The following EEIG1 variants were observed in gnomAD, a reference collection of about 807,000 sequenced individuals.
The protein encoded by EEIG1 is estrogen-induced osteoclastogenesis regulator 1, also known as early estrogen-induced gene 1 protein.
At chr9:127,945,743 C>T in the EEIG1 span, 1 of 1,565,834 alleles carries the variant, frequency 6.4e-7, no homozygotes, top group Non-Finnish European at 8.7e-7. This position sits in a 1 kb window ranked among gnomAD's most constrained non-coding sequence, Gnocchi z 6.5. Context: ...GGTCGGGTTC[C>T]TCTGGCAGCC....
At chr9:127,948,050 C>A in the EEIG1 span, 7 of 1,599,960 alleles carry the variant, frequency 4.4e-6, no homozygotes, top group South Asian at 4.4e-5. Context: ...AGGGGAGGGG[C>A]GGACAGATGA....
the EEIG1 span, among the ~76,000 whole-genome samples, chr9:127,949,449 C>CT: frequency 3.9e-4 from 59 of 152,138 alleles, no homozygotes; most frequent in Non-Finnish European, 8.4e-4. Context: ...GGAAGTGACT[C>CT]CCAAGACCTT....
chr9:127,956,242 G>A, the EEIG1 span, among the ~76,000 whole-genome samples: 5 of 152,058 alleles, frequency 3.3e-5, no homozygotes, highest in East Asian at 1.9e-4. Context: ...CTAGGCACTC[G>A]AACCACAGCA....
chr9:127,945,680 G>A, the EEIG1 span: 2 of 1,594,734 alleles, frequency 1.3e-6, no homozygotes, highest in Non-Finnish European at 1.7e-6. This position sits in a 1 kb window ranked among gnomAD's most constrained non-coding sequence, Gnocchi z 6.5. Flanking sequence ...TGGCATAGCT[G>A]GAGTTGCGGG....
the EEIG1 span, chr9:127,944,867 T>A: frequency 6.2e-7 from 1 of 1,612,206 alleles, no homozygotes; most frequent in Non-Finnish European, 8.5e-7. Context: ...TCCACCCAGG[T>A]CGGGTGGCTC....
chr9:127,948,882 T>C, the EEIG1 span, among the ~76,000 whole-genome samples: 1 of 152,134 alleles, frequency 6.6e-6, no homozygotes, highest in Non-Finnish European at 1.5e-5. Context: ...CATGAAGCCA[T>C]TGCAAACTAA....
At chr9:127,952,736 A>G in the EEIG1 span, among the ~76,000 whole-genome samples, 2 of 152,138 alleles carry the variant, frequency 1.3e-5, no homozygotes, top group East Asian at 1.9e-4. Context: ...ATCTGGAGGC[A>G]GAGTCTCGCT....
chr9:127,948,039 C>G, the EEIG1 span: 1 of 1,591,154 alleles, frequency 6.3e-7, no homozygotes, highest in Admixed American at 1.7e-5. Flanking sequence ...GGGCCGCTAG[C>G]AGGGGAGGGG....
the EEIG1 span, chr9:127,948,460 T>C: frequency 1.3e-5 from 20 of 1,597,396 alleles, no homozygotes; most frequent in South Asian, 2.2e-4. Flanking sequence ...ACCCACAGCC[T>C]GCCCAGGCGC....
the EEIG1 span, chr9:127,948,389 G>C: frequency 3.1e-6 from 5 of 1,614,142 alleles, no homozygotes; most frequent in Non-Finnish European, 2.5e-6. Flanking sequence ...GGGATCTCCA[G>C]AGAGCAGGAA....
At chr9:127,977,918 A>G in the EEIG1 span, among the ~76,000 whole-genome samples, 421 of 152,328 alleles carry the variant, frequency 2.8e-3, 1 homozygote, top group African/African-American at 9.5e-3. Context: ...CACCAATGGT[A>G]GCTGGTTCTT....
chr9:127,960,801 C>G, the EEIG1 span, among the ~76,000 whole-genome samples: 1 of 152,146 alleles, frequency 6.6e-6, no homozygotes, highest in Non-Finnish European at 1.5e-5. Context: ...CACCTGGAAC[C>G]CTCCTAGCTC....
chr9:127,980,050 C>T, the EEIG1 span: 20 of 1,613,778 alleles, frequency 1.2e-5, no homozygotes, highest in Non-Finnish European at 1.7e-5. Context: ...CAGAAGAGGA[C>T]CCCGTTCACG....
At chr9:127,965,673 C>T in the EEIG1 span, among the ~76,000 whole-genome samples, 1 of 152,220 alleles carries the variant, frequency 6.6e-6, no homozygotes, top group Non-Finnish European at 1.5e-5. Context: ...TCAGAGTTCC[C>T]GGCTGATGAA....
At chr9:127,949,503 T>C in the EEIG1 span, among the ~76,000 whole-genome samples, 1 of 152,148 alleles carries the variant, frequency 6.6e-6, no homozygotes, top group South Asian at 2.1e-4. Flanking sequence ...CAAGGCTACC[T>C]GGCCCCCAGG....
chr9:127,960,021 A>T, the EEIG1 span, among the ~76,000 whole-genome samples: 1 of 152,246 alleles, frequency 6.6e-6, no homozygotes, highest in African/African-American at 2.4e-5. Context: ...TATGTGAATT[A>T]TATCTCAATA....
the EEIG1 span, among the ~76,000 whole-genome samples, chr9:127,976,769 T>C: frequency 6.6e-6 from 1 of 151,818 alleles, no homozygotes; most frequent in South Asian, 2.1e-4. The surrounding 1 kb of genome is among the most constrained non-coding windows in gnomAD (Gnocchi z 4.1). Flanking sequence ...GCAGGTGCTG[T>C]AGGGGTGGGG....
the EEIG1 span, chr9:127,980,220 C>T: frequency 7.1e-7 from 1 of 1,417,944 alleles, no homozygotes; most frequent in Admixed American, 2.1e-5. Context: ...CACACCCCCT[C>T]CTCAAAACAC....
the EEIG1 span, among the ~76,000 whole-genome samples, chr9:127,946,591 T>G: frequency 6.6e-6 from 1 of 152,212 alleles, no homozygotes; most frequent in Admixed American, 6.5e-5. Flanking sequence ...GGGAGGGGCC[T>G]CTTCTACTTC....
Sources: allele counts gnomAD v4.1 joint callset (sites outside exome capture counted in the v4.1 genomes callset), GRCh38; gene constraint gnomAD v4.1.1; non-coding constraint Gnocchi (gnomAD v3.1); transcripts MANE v1.5; gene names NCBI Gene and HGNC (gene_info 2026-07-23, HGNC 2026-07-21).